Variants in AGBL4 observed in about 807,000 individuals in gnomAD.
AGBL4 encodes cytosolic carboxypeptidase 6.
A neutral mutation model predicts 66.4 loss-of-function variants in AGBL4; 58 were observed. That is an observed-to-expected ratio of 0.87 (90% confidence interval 0.71 to 1.09). AGBL4 has a LOEUF of 1.09. AGBL4 is among the 50% of genes least tolerant of loss of function. The pLI, the probability that AGBL4 is intolerant of heterozygous loss-of-function variation, is 0.00. For synonymous variants in AGBL4, 234 were observed against 222.9 expected, an observed-to-expected ratio of 1.05 and a Z score of -0.44; for missense variants, 579 against 631.0, an observed-to-expected ratio of 0.92 and a Z score of 0.88.
At chr1:49,528,967 T>C (rs962043588) in intron 3 of AGBL4, among the ~76,000 whole-genome samples, 3 of 152,170 alleles carry the variant, frequency 2.0e-5, no homozygotes, top group African/African-American at 7.2e-5. Flanking sequence ...TACATTAAGC[T>C]CTAGAATATG....
intron 4 of AGBL4, among the ~76,000 whole-genome samples, chr1:49,227,214 T>C (rs74858806): frequency 0.062 from 9,485 of 152,292 alleles, 390 homozygotes; most frequent in East Asian, 0.11. Context: ...TATTAGACTT[T>C]CAGTTTTATA....
intron 4 of AGBL4, among the ~76,000 whole-genome samples, chr1:49,208,304 AT>A (rs942896645): frequency 2.0e-5 from 3 of 151,622 alleles, no homozygotes; most frequent in Non-Finnish European, 4.4e-5. Context: ...CTAAAAATTG[AT>A]TTTTTTTCTT....
At chr1:49,089,941 A>T (rs1413718430) in intron 4 of AGBL4, among the ~76,000 whole-genome samples, 2 of 152,194 alleles carry the variant, frequency 1.3e-5, no homozygotes, top group East Asian at 3.9e-4. Flanking sequence ...AGGTTGGTTC[A>T]ACATTGCAAA....
intron 3 of AGBL4, among the ~76,000 whole-genome samples, chr1:49,454,783 G>A (rs1462243837): frequency 6.6e-6 from 1 of 151,558 alleles, no homozygotes; most frequent in Non-Finnish European, 1.5e-5. Flanking sequence ...TCATAAGTTA[G>A]TGTCCAGCTA....
At chr1:49,693,055 C>G (rs1646919903) in intron 3 of AGBL4, among the ~76,000 whole-genome samples, 1 of 152,092 alleles carries the variant, frequency 6.6e-6, no homozygotes, top group African/African-American at 2.4e-5. Context: ...TCCCATTTAT[C>G]TGTGTGAAGT....
chr1:48,932,892 A>T (rs962779293), intron 5 of AGBL4, among the ~76,000 whole-genome samples: 1 of 152,174 alleles, frequency 6.6e-6, no homozygotes, highest in African/African-American at 2.4e-5. Flanking sequence ...GTTTGACTGT[A>T]GTCTAGAGAA....
At chr1:49,968,100 G>A (rs1657724138) in intron 1 of AGBL4, among the ~76,000 whole-genome samples, 1 of 151,794 alleles carries the variant, frequency 6.6e-6, no homozygotes, top group Admixed American at 6.6e-5. Context: ...GCAGGCACCT[G>A]TAATCTCAGC....
At chr1:49,174,649 T>C (rs917703749) in intron 4 of AGBL4, among the ~76,000 whole-genome samples, 1 of 152,132 alleles carries the variant, frequency 6.6e-6, no homozygotes, top group African/African-American at 2.4e-5. Flanking sequence ...GAATACTCTG[T>C]TTCTGGGAAG....
Position 48,986,263 on chromosome 1 carries a change from G to A in AGBL4, c.594+59321C>T, listed in dbSNP as rs1348004032. Reference sequence around the variant, plus strand: ...CAAAAAATGTCTGTGGAAATAATAGGTGAAATTTTTCCACGTTTGATGAAA... The same window carrying A: ...CAAAAAATGTCTGTGGAAATAATAGATGAAATTTTTCCACGTTTGATGAAA... On this transcript the variant is annotated intron_variant, in intron 5 of 13. Transcript: ENST00000371839. Among the ~76,000 whole-genome samples, 5 of 152,050 alleles carry A rather than the reference G, an allele frequency of 3.3e-5. No homozygotes were observed. In the East Asian group the frequency reaches 9.7e-4, roughly 29 times the overall value.
At chr1:49,559,234 C>T (rs146350618) in intron 3 of AGBL4, among the ~76,000 whole-genome samples, 146 of 152,142 alleles carry the variant, frequency 9.6e-4, no homozygotes, top group African/African-American at 3.0e-3. Flanking sequence ...GAAAGAGATA[C>T]GGTTTCTTTT....
chr1:49,965,052 T>C (rs1657441395), intron 1 of AGBL4, among the ~76,000 whole-genome samples: 1 of 152,210 alleles, frequency 6.6e-6, no homozygotes, highest in South Asian at 2.1e-4. Context: ...TGAGTACATA[T>C]TGTATCCATG....
At position 49,079,358 on chromosome 1, in the gene AGBL4, G is replaced by A. The variant is rs72895682; in HGVS notation, c.378-33558C>T. On this transcript the variant is annotated intron_variant, in intron 4 of 13. Transcript: ENST00000371839. ...GAAAGAGATTTAATTGACTCACCAT[G>A]CCACATGCCTGGGGAGGCCTCAGGA... is the stretch of plus-strand genomic sequence containing the variant. Among the ~76,000 whole-genome samples, 387 of 152,266 alleles carry A rather than the reference G, an allele frequency of 2.5e-3. 1 individual carries two copies. The highest frequency in any genetic ancestry group is 8.4e-3 in the African/African-American group (347 of 41,544).
chr1:49,404,945 T>C (rs548321986), intron 3 of AGBL4, among the ~76,000 whole-genome samples: 1 of 152,322 alleles, frequency 6.6e-6, no homozygotes, highest in South Asian at 2.1e-4. Flanking sequence ...ATGTAATGCA[T>C]CAGTGGCTCC....
In AGBL4 at chr1:49,193,748, T is replaced by C. The variant is rs182634361; in HGVS notation, c.377+52022A>G. Among the ~76,000 whole-genome samples, 781 of 152,242 alleles carry C rather than the reference T, an allele frequency of 5.1e-3. 12 individuals carry two copies. The highest frequency in any genetic ancestry group is 5.4e-3 in the Non-Finnish European group (367 of 68,008). On this transcript the variant is annotated intron_variant, in intron 4 of 13. Coordinates refer to ENST00000371839, the MANE Select transcript of AGBL4 (RefSeq NM_032785.4). ...TGGGGTTTCACCATGTTAGCCATGA[T>C]GGTCTCAATCTCCTGACCTCGTGAT...
At position 49,715,060 on chromosome 1, in the gene AGBL4, G is replaced by A. The variant is rs545068628; in HGVS notation, c.158-17623C>T. The stretch of plus-strand genomic sequence containing the variant: ...TATACACATGCCATAGTGGTTTGCC[G>A]CACCCATCAACCCGTCATCTACATT... On this transcript the variant is annotated intron_variant, in intron 2 of 13. Transcript: ENST00000371839. Among the ~76,000 whole-genome samples, 19 of 152,082 alleles carry A rather than the reference G, an allele frequency of 1.2e-4. No homozygotes were observed. The East Asian group carries it at 1.7e-3, about 14-fold the overall frequency.
intron 3 of AGBL4, among the ~76,000 whole-genome samples, chr1:49,606,782 T>A (rs996406266): frequency 6.6e-6 from 1 of 152,142 alleles, no homozygotes; most frequent in African/African-American, 2.4e-5. Flanking sequence ...TAGGTATTTC[T>A]GAATCCAAAC....
chr1:49,901,556 A>C (rs1395303313), intron 1 of AGBL4, among the ~76,000 whole-genome samples: 1 of 152,212 alleles, frequency 6.6e-6, no homozygotes, highest in Admixed American at 6.5e-5. Context: ...AAGCAAATGG[A>C]AAAACATTCC....
At chr1:48,611,305 G>A (rs775460350) in intron 9 of AGBL4, among the ~76,000 whole-genome samples, 4 of 152,224 alleles carry the variant, frequency 2.6e-5, no homozygotes, top group Non-Finnish European at 5.9e-5. Flanking sequence ...GGAGTATGGA[G>A]AGCAGGAAAG....
intron 1 of AGBL4, among the ~76,000 whole-genome samples, chr1:49,875,726 C>T (rs1274615719): frequency 1.6e-5 from 2 of 126,934 alleles, no homozygotes; most frequent in Non-Finnish European, 3.3e-5. Context: ...CCTGAGGAAT[C>T]GCCACACTGA....
Sources: allele counts gnomAD v4.1 joint callset (sites outside exome capture counted in the v4.1 genomes callset), GRCh38; gene constraint gnomAD v4.1.1; transcripts MANE v1.5; gene names NCBI Gene and HGNC (gene_info 2026-07-23, HGNC 2026-07-21).